CDH9: variants seen among roughly 807,000 people sequenced by gnomAD.
The protein encoded by CDH9 is cadherin-9.
In CDH9, 28 loss-of-function variants were observed where a neutral mutation model predicts 70.9. The ratio of observed to expected loss-of-function variants is 0.40; its 90% CI spans 0.29 to 0.54. The LOEUF (loss-of-function observed/expected upper bound fraction) is 0.54, where lower values mean the gene tolerates loss of function less well. Ranked by LOEUF, CDH9 falls within the 20% of genes least tolerant of loss-of-function variation. The pLI, the probability that CDH9 is intolerant of heterozygous loss-of-function variation, is 0.59. For missense variants in CDH9, 874 were observed against 984.4 expected (o/e 0.89, Z 1.50); for synonymous variants, 409 against 343.1 (o/e 1.19, Z -2.12).
intron 2 of CDH9, among the ~76,000 whole-genome samples, chr5:26,928,522 C>A (rs1304960868): frequency 2.0e-5 from 3 of 151,888 alleles, no homozygotes; most frequent in Admixed American, 6.6e-5. Flanking sequence ...TCACAGAAGA[C>A]CTAGAGTAGC....
At chr5:26,921,710 T>A (rs10054386) in intron 2 of CDH9, among the ~76,000 whole-genome samples, 3,036 of 152,266 alleles carry the variant, frequency 0.02, 97 homozygotes, top group African/African-American at 0.071. Flanking sequence ...TCTCTACTTT[T>A]CTTCAGTAAA....
At chr5:26,967,889 T>G (rs1356177034) in intron 2 of CDH9, among the ~76,000 whole-genome samples, 2 of 152,020 alleles carry the variant, frequency 1.3e-5, no homozygotes, top group Non-Finnish European at 2.9e-5. Context: ...TTTTTAAAAT[T>G]TTTTGCAGAG....
Position 26,906,081 on chromosome 5 carries a change from T to G in CDH9, c.689A>C (p.Glu230Ala), listed in dbSNP as rs765127921. The G allele has an allele frequency of 3.7e-6, 6 of 1,613,804 alleles. No individual in the cohort carries two copies. The highest frequency in any genetic ancestry group is 5.1e-6 in the Non-Finnish European group (6 of 1,179,734). The change falls in exon 5 of 12, where the codon GAG becomes GCG. Residue 230 changes from glutamate to alanine, a missense_variant. Physicochemically the swap from Glu to Ala is moderately radical, Grantham distance 107. Transcript: ENST00000231021. ...ALPDMSRENR[E>A]QYQVVIQAKD... ...GGCCTGTATAACAACCTGGTACTGC[T>G]CTCTATTTTCTCTGCTCATGTCTGG...
At chr5:26,907,023 T>C (rs1740961032) in intron 3 of CDH9, among the ~76,000 whole-genome samples, 185 bp from the exon 4 acceptor site, 1 of 152,192 alleles carries the variant, frequency 6.6e-6, no homozygotes, top group Non-Finnish European at 1.5e-5. Flanking sequence ...CTGAAGTGTT[T>C]CTTAATTTTT....
chr5:26,920,649 ACT>A (rs1741228137), intron 2 of CDH9, among the ~76,000 whole-genome samples: 1 of 151,914 alleles, frequency 6.6e-6, no homozygotes, highest in Non-Finnish European at 1.5e-5. Context: ...AGGGAGACAG[ACT>A]CTGTTTGCTT....
rs187838423 is a variant in CDH9 at position 26,968,828 on chromosome 5, T to C, written c.228+19278A>G. Among the ~76,000 whole-genome samples, 56 of 152,298 alleles carry C rather than the reference T, an allele frequency of 3.7e-4. 1 individual carries two copies. Among genetic ancestry groups the C allele is most frequent in the Admixed American group, 1.3e-3 (20 of 15,298 alleles). On this transcript the variant is annotated intron_variant, in intron 2 of 11. Transcript: ENST00000231021. ...TAGAAGTATTAGTACTGTTCCTTAA[T>C]ATAAAAGCAATATGCAAATATGGTA...
At chr5:26,954,636 G>A (rs1468311839) in intron 2 of CDH9, among the ~76,000 whole-genome samples, 3 of 151,644 alleles carry the variant, frequency 2.0e-5, no homozygotes, top group African/African-American at 4.8e-5. Flanking sequence ...CGCCTGTCTC[G>A]GCCTCCTAAA....
chr5:27,009,450 G>T (rs545303054), intron 1 of CDH9, among the ~76,000 whole-genome samples: 66 of 152,190 alleles, frequency 4.3e-4, no homozygotes, highest in Middle Eastern at 3.4e-3. Flanking sequence ...ATTTTGTCCT[G>T]TTGCCAGCCC....
chr5:26,912,351 T>A (rs1219859611), intron 3 of CDH9, among the ~76,000 whole-genome samples: 1 of 151,868 alleles, frequency 6.6e-6, no homozygotes, highest in Non-Finnish European at 1.5e-5. Flanking sequence ...AAATCACACC[T>A]GCAATAATTA....
intron 1 of CDH9, among the ~76,000 whole-genome samples, chr5:27,007,999 T>C (rs926177686): frequency 6.6e-6 from 1 of 152,226 alleles, no homozygotes; most frequent in African/African-American, 2.4e-5. Flanking sequence ...TGGATAACTG[T>C]GTAATTTTAC....
intron 3 of CDH9, among the ~76,000 whole-genome samples, chr5:26,909,540 T>C (rs924618166): frequency 6.6e-6 from 1 of 151,342 alleles, no homozygotes; most frequent in African/African-American, 2.4e-5. Flanking sequence ...TTTTTTCTTT[T>C]TTTTTTTTAT....
At chr5:26,882,697 A>G (rs1244769429) in intron 11 of CDH9, among the ~76,000 whole-genome samples, 1 of 152,056 alleles carries the variant, frequency 6.6e-6, no homozygotes, top group Non-Finnish European at 1.5e-5. Flanking sequence ...GAAAAATACA[A>G]ACTAGATTTC....
chr5:27,012,123 C>G (rs750699629), intron 1 of CDH9, among the ~76,000 whole-genome samples: 1 of 151,992 alleles, frequency 6.6e-6, no homozygotes, highest in East Asian at 1.9e-4. Context: ...GTTCAGTTTC[C>G]TTACATAAAA....
chr5:26,907,217 G>T (rs1038089622), intron 3 of CDH9, among the ~76,000 whole-genome samples: 4 of 151,962 alleles, frequency 2.6e-5, no homozygotes, highest in African/African-American at 7.2e-5. Flanking sequence ...GTATTTAAAA[G>T]ATAAATCTAA....
intron 1 of CDH9, among the ~76,000 whole-genome samples, chr5:26,993,160 T>C (rs901214898): frequency 1.3e-5 from 2 of 149,148 alleles, no homozygotes; most frequent in Non-Finnish European, 3.0e-5. Flanking sequence ...GATAAAAATA[T>C]GGACAGTAAA....
chr5:26,915,056 G>T (rs1253130139), intron 3 of CDH9, among the ~76,000 whole-genome samples: 4 of 151,918 alleles, frequency 2.6e-5, no homozygotes, highest in Non-Finnish European at 4.4e-5. Context: ...GGTAGAATGT[G>T]CACAAAAATA....
intron 7 of CDH9, among the ~76,000 whole-genome samples, chr5:26,900,300 A>T (rs1420633716): frequency 6.6e-6 from 1 of 152,118 alleles, no homozygotes; most frequent in Non-Finnish European, 1.5e-5. Flanking sequence ...CTCTTTCAGA[A>T]AATTAAAGAG....
intron 7 of CDH9, among the ~76,000 whole-genome samples, chr5:26,894,478 G>C (rs1740712876): frequency 6.6e-6 from 1 of 151,946 alleles, no homozygotes; most frequent in African/African-American, 2.4e-5. Flanking sequence ...ATTCATGAAG[G>C]CACTCACAGA....
chr5:26,927,824 T>C (rs909560612), intron 2 of CDH9, among the ~76,000 whole-genome samples: 1 of 152,054 alleles, frequency 6.6e-6, no homozygotes, highest in Non-Finnish European at 1.5e-5. Flanking sequence ...ATCGAATTAA[T>C]GGACCCCTTG....
Sources: gnomAD v4.1 joint callset for allele counts (sites outside exome capture counted in the v4.1 genomes callset) on GRCh38, gnomAD v4.1.1 for gene constraint, MANE v1.5 for transcripts, NCBI Gene and HGNC (gene_info 2026-07-23, HGNC 2026-07-21) for gene names.